SLC1A2: variants seen among roughly 807,000 people sequenced by gnomAD.
The protein encoded by SLC1A2 is solute carrier family 1 member 2, also known as excitatory amino acid transporter 2.
Under a neutral mutation model 48.8 loss-of-function variants are expected in SLC1A2, and 15 were observed. The ratio of observed to expected loss-of-function variants is 0.31; its 90% CI spans 0.21 to 0.47. The LOEUF (loss-of-function observed/expected upper bound fraction) is 0.47. Ranked by LOEUF, SLC1A2 falls within the 20% of genes least tolerant of loss-of-function variation. The pLI, the probability that SLC1A2 is intolerant of heterozygous loss-of-function variation, is 0.99. For missense variants in SLC1A2, 502 were observed against 730.5 expected (o/e 0.69, Z 3.61); for synonymous variants, 279 against 272.6 (o/e 1.02, Z -0.23).
chr11:35,374,430 T>A, intron 1 of SLC1A2: 1 of 429,006 alleles, frequency 2.3e-6, no homozygotes, highest in East Asian at 6.0e-5. Context: ...AAAAGAGACC[T>A]ACAATTTGAA....
At chr11:35,402,437 T>G (rs1855163808) in intron 1 of SLC1A2, among the ~76,000 whole-genome samples, 1 of 152,180 alleles carries the variant, frequency 6.6e-6, no homozygotes, top group African/African-American at 2.4e-5. Context: ...CAGAGAGGCA[T>G]GAAAGCTCCG....
At chr11:35,369,218 C>T (rs569926863) in intron 1 of SLC1A2, among the ~76,000 whole-genome samples, 28 of 152,292 alleles carry the variant, frequency 1.8e-4, no homozygotes, top group Admixed American at 1.0e-3. Flanking sequence ...TCCCCCACCA[C>T]CTTCCCAGAG....
intron 9 of SLC1A2, among the ~76,000 whole-genome samples, chr11:35,279,923 T>A (rs1850569719): frequency 6.6e-6 from 1 of 152,160 alleles, no homozygotes; most frequent in Admixed American, 6.5e-5. Context: ...TGAAGGCCTC[T>A]CTCTATCACT....
chr11:35,317,763 C>T (rs1851931152), intron 1 of SLC1A2, among the ~76,000 whole-genome samples: 1 of 152,152 alleles, frequency 6.6e-6, no homozygotes, highest in Non-Finnish European at 1.5e-5. Flanking sequence ...AAGAGTTGCC[C>T]CCCGTGGTAA....
At chr11:35,266,925 C>A (rs902103291) in intron 9 of SLC1A2, among the ~76,000 whole-genome samples, 2 of 152,228 alleles carry the variant, frequency 1.3e-5, no homozygotes, top group African/African-American at 4.8e-5. Flanking sequence ...AAAGTCGGGC[C>A]TGGCTCCTTT....
intron 4 of SLC1A2, among the ~76,000 whole-genome samples, chr11:35,308,550 A>T: frequency 6.6e-6 from 1 of 152,198 alleles, no homozygotes; most frequent in East Asian, 1.9e-4. Flanking sequence ...GCATCGGGCA[A>T]GAGCCTTCTT....
Position 35,260,934 on chromosome 11 carries a change from T to G in SLC1A2, c.1685A>C (p.Asp562Ala), listed in dbSNP as rs1256318464. Reference protein sequence around the residue: ...VTLAANGKSADCSVEEEPWKR... With the variant: ...VTLAANGKSAACSVEEEPWKR... ...CCAAGGTTCTTCCTCAACACTGCAG[T>G]CGGCTGACTTTCCATTGGCTGCCAG... The change falls in exon 11 of 11, where the codon GAC (aspartate) becomes GCC (alanine). Residue 562 changes from aspartate to alanine, a missense_variant. Transcript: ENST00000278379. The G allele has an allele frequency of 6.2e-7, 1 of 1,613,794 alleles. No individual in the cohort carries two copies. Among genetic ancestry groups the G allele is most frequent in the South Asian group, 1.1e-5 (1 of 91,074 alleles).
At chr11:35,335,004 C>T (rs1852574521) in intron 1 of SLC1A2, among the ~76,000 whole-genome samples, 1 of 152,102 alleles carries the variant, frequency 6.6e-6, no homozygotes, top group Non-Finnish European at 1.5e-5. Context: ...GGAATCACAC[C>T]TTGGTCTGTC....
chr11:35,386,059 A>G (rs950217228), intron 1 of SLC1A2, among the ~76,000 whole-genome samples: 5 of 152,126 alleles, frequency 3.3e-5, no homozygotes, highest in African/African-American at 1.2e-4. Flanking sequence ...CCAGCTACTC[A>G]GGAGGCTGAG....
intron 1 of SLC1A2, among the ~76,000 whole-genome samples, chr11:35,394,327 G>A (rs1261441267): frequency 6.6e-6 from 1 of 152,036 alleles, no homozygotes; most frequent in Admixed American, 6.6e-5. Flanking sequence ...AGTCACCACC[G>A]GGATCTGCCC....
At chr11:35,363,453 T>C (rs144184660) in intron 1 of SLC1A2, among the ~76,000 whole-genome samples, 2 of 152,188 alleles carry the variant, frequency 1.3e-5, no homozygotes, top group African/African-American at 2.4e-5. Context: ...AGGGAGCTCA[T>C]TGGAGGGTTT....
chr11:35,385,213 C>G (rs1854549980), intron 1 of SLC1A2, among the ~76,000 whole-genome samples: 1 of 152,202 alleles, frequency 6.6e-6, no homozygotes, highest in Non-Finnish European at 1.5e-5. Context: ...TCAAACCATC[C>G]CTGCCCTCCC....
chr11:35,339,736 T>C (rs1852770973), intron 1 of SLC1A2, among the ~76,000 whole-genome samples: 1 of 152,164 alleles, frequency 6.6e-6, no homozygotes, highest in Admixed American at 6.5e-5. Flanking sequence ...CACAAATATA[T>C]ACATGTATAA....
Position 35,315,086 on chromosome 11 carries a change from C to G in SLC1A2, c.247G>C (p.Asp83His), listed in dbSNP as rs907101670. The G allele has an allele frequency of 1.2e-6, 2 of 1,612,278 alleles. No individual in the cohort carries two copies. The highest frequency in any genetic ancestry group is 2.7e-5 in the African/African-American group (2 of 74,846). The stretch of plus-strand genomic sequence containing the variant: ...ATTTTTAGCATCCTCATGAGTATAT[C>G]CCCTGGGAAGGCTATTAACATAACC... ...DVVMLIAFPG[D>H]ILMRMLKMLI... Residue 83 changes from aspartate to histidine, a missense_variant, in exon 3 of 11, where the codon GAT becomes CAT. Physicochemically the swap from Asp to His is moderately conservative, Grantham distance 81 (BLOSUM62 -1). This residue lies in a region of SLC1A2 where 89 missense variants were observed against 119.7 expected (regional missense o/e 0.74). Coordinates refer to ENST00000278379, the MANE Select transcript of SLC1A2 (RefSeq NM_004171.4).
rs191889107 is a variant in SLC1A2, at chr11:35,376,477, C to T, written c.17+42473G>A. Among the ~76,000 whole-genome samples, 333 of 152,244 alleles carry T rather than the reference C, an allele frequency of 2.2e-3. 1 individual carries two copies. Among genetic ancestry groups the T allele is most frequent in the African/African-American group, 7.8e-3 (324 of 41,550 alleles). On this transcript the variant is annotated intron_variant, in intron 1 of 10. Coordinates refer to ENST00000278379, the MANE Select transcript of SLC1A2 (RefSeq NM_004171.4). ...AAGCTGAGGGAGGAGAATGTGGGAA[C>T]TCTATGTATTATTTTTCCAATTCTT...
chr11:35,419,041 A>T lies in SLC1A2; in HGVS notation c.-75T>A, dbSNP rs1467627290. On this transcript the variant is annotated 5_prime_UTR_variant, in exon 1 of 11. Transcript: ENST00000278379. This position sits in a 1 kb window ranked among gnomAD's most constrained non-coding sequence, Gnocchi z 5.4. ...GAGGGAGAAAGCGGACGCCGGGGTG[A>T]GCGCGAAGTGCGGCCGGGAGCGGTA... is the stretch of plus-strand genomic sequence containing the variant. 1 of 1,376,872 alleles carries T rather than the reference A, an allele frequency of 7.3e-7. No homozygotes were observed. Among genetic ancestry groups the T allele is most frequent in the Non-Finnish European group, 1.0e-6 (1 of 997,034 alleles). 85.3% of individuals were successfully genotyped at this position (1,376,872 alleles called of 1,614,324 possible).
rs937651794 is a variant in SLC1A2 at position 35,254,896 on chromosome 11, A to G, written c.*5998T>C. On this transcript the variant is annotated 3_prime_UTR_variant, in exon 11 of 11. Transcript: ENST00000278379. ...AAGTGAAGCAAGGCTGGACATAGAA[A>G]AAAACTGATCAGTAGTTATTCAGGA... 43 of 429,948 alleles carry G rather than the reference A, an allele frequency of 1.0e-4. No homozygotes were observed. The highest frequency in any genetic ancestry group is 1.7e-4 in the Non-Finnish European group (38 of 217,576). 26.6% of individuals were successfully genotyped at this position (429,948 alleles called of 1,614,324 possible).
At chr11:35,419,643 C>A (rs1311150915), upstream of SLC1A2, 1 of 160,432 alleles carries the variant, frequency 6.2e-6, no homozygotes, top group Non-Finnish European at 1.4e-5. The surrounding 1 kb of genome is among the most constrained non-coding windows in gnomAD (Gnocchi z 5.4). Context: ...TCCCTCCCCC[C>A]AGCCTCTCGC....
At chr11:35,347,432 T>C (rs1216014405) in intron 1 of SLC1A2, among the ~76,000 whole-genome samples, 2 of 152,192 alleles carry the variant, frequency 1.3e-5, no homozygotes, top group Admixed American at 6.5e-5. Flanking sequence ...GCAGATTTCA[T>C]CTCATGGGCA....
Sources: allele counts gnomAD v4.1 joint callset (sites outside exome capture counted in the v4.1 genomes callset), GRCh38; gene constraint gnomAD v4.1.1; regional missense constraint gnomAD v4.1.1; non-coding constraint Gnocchi (gnomAD v3.1); transcripts MANE v1.5; gene names NCBI Gene and HGNC (gene_info 2026-07-23, HGNC 2026-07-21).